Variants in MTHFD2L observed in about 807,000 individuals in gnomAD.
The protein encoded by MTHFD2L is methylenetetrahydrofolate dehydrogenase (NADP+ dependent) 2 like, also known as bifunctional methylenetetrahydrofolate dehydrogenase/cyclohydrolase 2, mitochondrial.
A neutral mutation model predicts 34.9 loss-of-function variants in MTHFD2L; 29 were observed. The ratio of observed to expected loss-of-function variants is 0.83; its 90% CI spans 0.62 to 1.13. The LOEUF (loss-of-function observed/expected upper bound fraction) is 1.13. Ranked by LOEUF, MTHFD2L falls within the 50% of genes most tolerant of loss-of-function variation. The probability of loss-of-function intolerance (pLI) is 0.00; values close to 1 mark genes in which losing one functional copy is unlikely to be tolerated. For synonymous variants in MTHFD2L, 167 were observed against 155.7 expected (o/e 1.07, Z -0.54); for missense variants, 481 against 446.5 (o/e 1.08, Z -0.70).
intron 3 of MTHFD2L, chr4:74,194,395 C>A (rs1456331925): frequency 1.3e-5 from 2 of 151,506 alleles, no homozygotes; most frequent in Non-Finnish European, 2.9e-5. Flanking sequence ...ATTTTTTTTT[C>A]TTTAAGCTAT....
At chr4:74,299,338 T>C (rs879275900) in intron 7 of MTHFD2L, among the ~76,000 whole-genome samples, 3 of 151,852 alleles carry the variant, frequency 2.0e-5, no homozygotes, top group Non-Finnish European at 1.5e-5. Flanking sequence ...GTTCTATTAG[T>C]ATAAATGGTA....
At chr4:74,132,665 C>T (rs1303336676) in intron 1 of MTHFD2L, among the ~76,000 whole-genome samples, 1 of 152,038 alleles carries the variant, frequency 6.6e-6, no homozygotes, top group Non-Finnish European at 1.5e-5. Context: ...TGCAGCAAAC[C>T]ACCATAGCAC....
At chr4:74,200,403 T>C (rs1448299524) in intron 4 of MTHFD2L, among the ~76,000 whole-genome samples, 1 of 152,108 alleles carries the variant, frequency 6.6e-6, no homozygotes, top group Non-Finnish European at 1.5e-5. Context: ...ATAACTGCAG[T>C]TGCAACTTAT....
At chr4:74,239,222 A>G (rs13116896) in intron 6 of MTHFD2L, among the ~76,000 whole-genome samples, 94,888 of 152,018 alleles carry the variant, frequency 0.62, 33,046 homozygotes, top group Middle Eastern at 0.78. Flanking sequence ...ATTCTGAGCA[A>G]ACTGTCACAA....
chr4:74,209,296 A>T (rs912391253), intron 5 of MTHFD2L, among the ~76,000 whole-genome samples: 2 of 152,132 alleles, frequency 1.3e-5, no homozygotes, highest in Non-Finnish European at 2.9e-5. Flanking sequence ...GCACCCATCA[A>T]CCTGTCATCT....
intron 7 of MTHFD2L, among the ~76,000 whole-genome samples, chr4:74,286,810 C>G (rs990703602): frequency 6.6e-6 from 1 of 152,146 alleles, no homozygotes; most frequent in African/African-American, 2.4e-5. Flanking sequence ...TGCCTGCCAT[C>G]TCTCCTCCCT....
intron 1 of MTHFD2L, among the ~76,000 whole-genome samples, chr4:74,152,154 T>C (rs1291210144): frequency 1.3e-5 from 2 of 152,104 alleles, no homozygotes; most frequent in African/African-American, 2.4e-5. Context: ...TTATCAGTTA[T>C]ATTGTTCAAT....
At chr4:74,174,728 G>A (rs755042457) in intron 2 of MTHFD2L, 38 bp downstream of exon 2, 2 of 1,287,444 alleles carry the variant, frequency 1.6e-6, no homozygotes, top group Non-Finnish European at 2.0e-6. Flanking sequence ...TACTAAATAT[G>A]TTTTCTGTTT....
intron 1 of MTHFD2L, among the ~76,000 whole-genome samples, chr4:74,162,612 A>G (rs1725706241): frequency 6.6e-6 from 1 of 151,736 alleles, no homozygotes; most frequent in African/African-American, 2.4e-5. Flanking sequence ...AATTTTCTTA[A>G]TATCTAAGGA....
At chr4:74,158,090 G>A, upstream of MTHFD2L, 1 of 1,532,000 alleles carries the variant, frequency 6.5e-7, no homozygotes, top group Non-Finnish European at 8.7e-7. Context: ...CGCGAGGACT[G>A]GAGTCGCGGG....
chr4:74,186,645 A>T (rs1311546077), intron 3 of MTHFD2L, among the ~76,000 whole-genome samples: 1 of 152,042 alleles, frequency 6.6e-6, no homozygotes. Context: ...ACCTATATAT[A>T]TTAAAAACTA....
intron 6 of MTHFD2L, among the ~76,000 whole-genome samples, chr4:74,274,899 T>A (rs895208461): frequency 1.3e-5 from 2 of 152,096 alleles, no homozygotes; most frequent in African/African-American, 4.8e-5. Context: ...GGGGGCAAAG[T>A]TGAAATATTT....
At chr4:74,247,455 A>T (rs1452983673) in intron 6 of MTHFD2L, among the ~76,000 whole-genome samples, 5 of 151,886 alleles carry the variant, frequency 3.3e-5, no homozygotes, top group Non-Finnish European at 5.9e-5. Flanking sequence ...TCTTTTCCTA[A>T]TTGAATGCCC....
At chr4:74,185,028 T>C (rs141757765) in intron 3 of MTHFD2L, among the ~76,000 whole-genome samples, 2 of 151,756 alleles carry the variant, frequency 1.3e-5, no homozygotes, top group Non-Finnish European at 2.9e-5. Flanking sequence ...AGCAGATGCC[T>C]GTAGGCCCAG....
At position 74,199,821 on chromosome 4, in the gene MTHFD2L, A is replaced by T. The variant is rs760923991; in HGVS notation, c.479A>T (p.Asn160Ile). ...CACGTTGATGAGCGAACAATATGCA[A>T]TGGAATTGCCCCAGAAAAAGATGTA... ...PDHVDERTICNGIAPEKDVDG... is the reference protein window; with the variant it reads ...PDHVDERTICIGIAPEKDVDG... Residue 160 changes from asparagine to isoleucine, a missense_variant, in exon 4 of 8, where the codon AAT (asparagine) becomes ATT (isoleucine). Asn to Ile is a moderately radical substitution (Grantham distance 149). Coordinates refer to ENST00000325278, the MANE Select transcript of MTHFD2L (RefSeq NM_001144978.3). The T allele has an allele frequency of 1.9e-6, 3 of 1,613,020 alleles. No homozygotes were observed. Among genetic ancestry groups the T allele is most frequent in the Non-Finnish European group, 2.5e-6 (3 of 1,179,426 alleles).
At chr4:74,174,266 A>G (rs75420780) in intron 1 of MTHFD2L, among the ~76,000 whole-genome samples, 1 of 152,178 alleles carries the variant, frequency 6.6e-6, no homozygotes, top group East Asian at 1.9e-4. Flanking sequence ...TTGAAGAGAC[A>G]TACACATTCA....
At chr4:74,116,580 T>G (rs1721658959) in intron 2 of MTHFD2L, among the ~76,000 whole-genome samples, 1 of 152,226 alleles carries the variant, frequency 6.6e-6, no homozygotes, top group African/African-American at 2.4e-5. Context: ...GGGGCTCTAA[T>G]TAGCTTAATG....
At chr4:74,258,414 A>G (rs1156391631) in intron 6 of MTHFD2L, among the ~76,000 whole-genome samples, 1 of 152,066 alleles carries the variant, frequency 6.6e-6, no homozygotes, top group East Asian at 1.9e-4. Context: ...ACACACAAAC[A>G]CACAGTTGAT....
At chr4:74,151,521 CT>C (rs1398090586) in intron 1 of MTHFD2L, among the ~76,000 whole-genome samples, 1 of 152,194 alleles carries the variant, frequency 6.6e-6, no homozygotes, top group Non-Finnish European at 1.5e-5. Flanking sequence ...ACTTTCATCA[CT>C]TGATAGCTGT....
Sources: allele counts gnomAD v4.1 joint callset (sites outside exome capture counted in the v4.1 genomes callset), GRCh38; gene constraint gnomAD v4.1.1; transcripts MANE v1.5; gene names NCBI Gene and HGNC (gene_info 2026-07-23, HGNC 2026-07-21).